Variants in SCN10A observed in about 807,000 individuals in gnomAD.
SCN10A encodes the protein sodium voltage-gated channel alpha subunit 10, also known as sodium channel protein type 10 subunit alpha.
A neutral mutation model predicts 170.7 loss-of-function variants in SCN10A; 162 were observed. That is an observed-to-expected ratio of 0.95 (90% confidence interval 0.84 to 1.08). The LOEUF (loss-of-function observed/expected upper bound fraction) is 1.08, where lower values mean the gene tolerates loss of function less well. SCN10A is among the 50% of genes least tolerant of loss of function. The pLI is 0.00. For synonymous variants in SCN10A, 985 were observed against 904.6 expected, an observed-to-expected ratio of 1.09 and a Z score of -1.59; for missense variants, 2,527 against 2,436.9, an observed-to-expected ratio of 1.04 and a Z score of -0.78.
At chr3:38,774,781 G>A (rs1444110003) in intron 4 of SCN10A, among the ~76,000 whole-genome samples, 1 of 152,146 alleles carries the variant, frequency 6.6e-6, no homozygotes, top group African/African-American at 2.4e-5. Flanking sequence ...ATTCAGTGTG[G>A]GAGAGCAGCC....
At chr3:38,779,532 C>T (rs867816318) in intron 4 of SCN10A, among the ~76,000 whole-genome samples, 1 of 151,780 alleles carries the variant, frequency 6.6e-6, no homozygotes, top group Non-Finnish European at 1.5e-5. Context: ...TAATTTATTG[C>T]TTTTTATAAT....
Position 38,757,148 on chromosome 3 carries a change from T to A in SCN10A, c.962A>T (p.Asp321Val). 6.2e-7 allele frequency: 1 copy of A among 1,605,254 alleles called. No individual in the cohort carries two copies. The highest frequency in any genetic ancestry group is 8.5e-7 in the Non-Finnish European group (1 of 1,176,042). Residue 321 changes from aspartate to valine, a missense_variant, in exon 9 of 28, where the codon GAT (aspartate) becomes GTT (valine). By Grantham distance (152) the Asp-to-Val change is radical (BLOSUM62 -3). Coordinates refer to ENST00000449082, the MANE Select transcript of SCN10A (RefSeq NM_006514.4). ...AGAAGTTTTAAGGCAGATATAACCA[T>A]CAGGGCAGTGGCTGCAGCAAGAACA... ...GNGSDSGHCP[D>V]GYICLKTSDN...
rs12054245 is a variant in SCN10A at position 38,750,016 on chromosome 3, C to T, written c.1867+57G>A. ...CGAGTTAGAGACATTGCTTCTGCTG[C>T]TCACATGGGAATTCATCATGACACA... On this transcript the variant is annotated intron_variant, in intron 13 of 27. Coordinates refer to ENST00000449082, the MANE Select transcript of SCN10A (RefSeq NM_006514.4). The T allele has an allele frequency of 0.057, 54,569 of 956,406 alleles. 1,847 individuals carry two copies. Among genetic ancestry groups the T allele is most frequent in the East Asian group, 0.098 (4,010 of 40,842 alleles). 59.2% of individuals were successfully genotyped at this position (956,406 alleles called of 1,614,324 possible).
chr3:38,741,061 AC>A (rs1409135427), intron 14 of SCN10A, among the ~76,000 whole-genome samples: 2 of 152,034 alleles, frequency 1.3e-5, no homozygotes, highest in Non-Finnish European at 2.9e-5. Flanking sequence ...TGCCCCTTTC[AC>A]AGCCCTGGAT....
chr3:38,778,608 A>G (rs2064102518), intron 4 of SCN10A, among the ~76,000 whole-genome samples: 1 of 152,034 alleles, frequency 6.6e-6, no homozygotes, highest in Admixed American at 6.6e-5. Context: ...GAAGATAAGG[A>G]AAAAGATTGT....
chr3:38,714,497 A>T (rs2063310775), intron 21 of SCN10A, among the ~76,000 whole-genome samples: 1 of 152,184 alleles, frequency 6.6e-6, no homozygotes, highest in South Asian at 2.1e-4. Context: ...GGAATATAGT[A>T]ATCTGAATTA....
At chr3:38,789,852 G>T (rs1014511331) in intron 3 of SCN10A, among the ~76,000 whole-genome samples, 28 of 152,252 alleles carry the variant, frequency 1.8e-4, no homozygotes, top group Admixed American at 1.8e-3. Flanking sequence ...AAGGTAAATT[G>T]TTCCCACTTG....
At chr3:38,813,586 T>A (rs2064453883) in intron 1 of SCN10A, among the ~76,000 whole-genome samples, 1 of 152,132 alleles carries the variant, frequency 6.6e-6, no homozygotes, top group Non-Finnish European at 1.5e-5. Context: ...CCAGCTGAGT[T>A]CACAAGGCCT....
In SCN10A at chr3:38,793,751, C is replaced by T. The variant is rs766047928; in HGVS notation, c.260G>A (p.Ser87Asn). Reference protein sequence around the residue: ...EPLEDLDPFYSTHRTFMVLNK... With the variant: ...EPLEDLDPFYNTHRTFMVLNK... ...ACTAGTAGCTCTTACCCGGTGTGTGCTGTAGAACGGATCTAGATCCTCCAG... is the reference window on the plus strand; with the variant it reads ...ACTAGTAGCTCTTACCCGGTGTGTGTTGTAGAACGGATCTAGATCCTCCAG... Residue 87 changes from serine (S) to asparagine (N), a missense_variant, in exon 2 of 28, where the codon AGC (serine) becomes AAC (asparagine). Ser to Asn is a conservative substitution (Grantham distance 46). Coordinates refer to ENST00000449082, the MANE Select transcript of SCN10A (RefSeq NM_006514.4). 1 of 1,613,780 alleles carries T rather than the reference C, an allele frequency of 6.2e-7. No homozygotes were observed. The highest frequency in any genetic ancestry group is 8.5e-7 in the Non-Finnish European group (1 of 1,179,808).
intron 20 of SCN10A, 83 bp downstream of exon 20, chr3:38,722,175 C>T: frequency 7.3e-7 from 1 of 1,366,704 alleles, no homozygotes; most frequent in South Asian, 1.3e-5. Context: ...TCAGGAGAAC[C>T]CACTGATGCA....
chr3:38,805,390 A>G (rs1293110165), intron 1 of SCN10A, among the ~76,000 whole-genome samples: 1 of 152,156 alleles, frequency 6.6e-6, no homozygotes. Flanking sequence ...TAGCTTTAGC[A>G]CTGAAGATAT....
intron 12 of SCN10A, among the ~76,000 whole-genome samples, chr3:38,750,573 C>T (rs2063737081): frequency 6.6e-6 from 1 of 152,174 alleles, no homozygotes; most frequent in African/African-American, 2.4e-5. Context: ...ATCTGTCAGA[C>T]ATGTATAAAA....
At chr3:38,805,501 G>T (rs1228959262) in intron 1 of SCN10A, among the ~76,000 whole-genome samples, 1 of 152,138 alleles carries the variant, frequency 6.6e-6, no homozygotes, top group African/African-American at 2.4e-5. Flanking sequence ...TCTCCAAGAT[G>T]TAAGCATTTC....
chr3:38,799,790 A>T (rs754213174), intron 1 of SCN10A, among the ~76,000 whole-genome samples: 1 of 152,164 alleles, frequency 6.6e-6, no homozygotes, highest in Non-Finnish European at 1.5e-5. Context: ...TCATGGAACC[A>T]TGTTGGCTGT....
chr3:38,697,426 C>T lies in SCN10A; in HGVS notation c.5794G>A (p.Val1932Ile). 6.2e-7 allele frequency: 1 copy of T among 1,614,214 alleles called. No homozygotes were observed. Among genetic ancestry groups the T allele is most frequent in the South Asian group, 1.1e-5 (1 of 91,086 alleles). Reference sequence around the variant, plus strand: ...ATTGAGCTAGATGTCCTCATGTTGACTCTATCACTAAGGCCTCTAGTGACA... The same window carrying T: ...ATTGAGCTAGATGTCCTCATGTTGATTCTATCACTAAGGCCTCTAGTGACA... ...ESVTRGLSDR[V>I]NMRTSSSIQN... is the part of the protein sequence containing the mutation. Residue 1932 changes from valine to isoleucine, a missense_variant, in exon 28 of 28, where the codon GTC becomes ATC. Physicochemically the swap from Val to Ile is conservative, Grantham distance 29 (BLOSUM62 3). Transcript: ENST00000449082.
In SCN10A at chr3:38,738,981, G is replaced by T. The variant is rs367960285; in HGVS notation, c.2280+534C>A. ...GAGAATGACTTCCTTGAGGCTGGAA[G>T]GAGCTGGGGCTCTGGAGTCAGACAA... On this transcript the variant is annotated intron_variant, in intron 15 of 27. Transcript: ENST00000449082. Among the ~76,000 whole-genome samples the T allele has an allele frequency of 9.2e-5, 14 of 152,316 alleles. No homozygotes were observed. The East Asian group carries it at 1.4e-3, about 15-fold the overall frequency.
intron 15 of SCN10A, among the ~76,000 whole-genome samples, chr3:38,739,124 ATCTC>A (rs2126012030): frequency 6.6e-6 from 1 of 152,222 alleles, no homozygotes; most frequent in Non-Finnish European, 1.5e-5. Flanking sequence ...AAAAACGACT[ATCTC>A]TCAGGGTTGT....
chr3:38,706,083 C>G (rs2063207678), intron 26 of SCN10A, among the ~76,000 whole-genome samples: 1 of 152,180 alleles, frequency 6.6e-6, no homozygotes, highest in African/African-American at 2.4e-5. Context: ...AACCTCCTAT[C>G]ACTCCCCACT....
intron 20 of SCN10A, among the ~76,000 whole-genome samples, chr3:38,720,012 G>T (rs929908543): frequency 1.3e-5 from 2 of 152,256 alleles, no homozygotes; most frequent in Non-Finnish European, 2.9e-5. Context: ...GCCAGGGACA[G>T]TGACAGGGGG....
Sources: allele counts gnomAD v4.1 joint callset (sites outside exome capture counted in the v4.1 genomes callset), GRCh38; gene constraint gnomAD v4.1.1; transcripts MANE v1.5; gene names NCBI Gene and HGNC (gene_info 2026-07-23, HGNC 2026-07-21).